The following PTPRT variants were observed in gnomAD, a reference collection of about 807,000 sequenced individuals.
PTPRT encodes protein tyrosine phosphatase receptor type T, also known as receptor-type tyrosine-protein phosphatase T.
In PTPRT, 56 loss-of-function variants were observed where a neutral mutation model predicts 176.8. The observed-to-expected ratio is 0.32, with a 90% CI of 0.26 to 0.40. The LOEUF is 0.40. Ranked by LOEUF, PTPRT falls within the 10% of genes least tolerant of loss-of-function variation. The pLI is 1.00. For synonymous variants in PTPRT, 783 were observed against 739.0 expected, an observed-to-expected ratio of 1.06 and a Z score of -0.96; for missense variants, 1,540 against 1,908.2, an observed-to-expected ratio of 0.81 and a Z score of 3.60.
At chr20:42,977,655 T>G (rs139805175) in intron 1 of PTPRT, among the ~76,000 whole-genome samples, 1 of 152,356 alleles carries the variant, frequency 6.6e-6, no homozygotes, top group African/African-American at 2.4e-5. Flanking sequence ...GCTAGTTTGC[T>G]AATTTTTAAA....
At chr20:43,183,346 G>A (rs1794849562) in intron 1 of PTPRT, among the ~76,000 whole-genome samples, 1 of 152,112 alleles carries the variant, frequency 6.6e-6, no homozygotes, top group South Asian at 2.1e-4. Flanking sequence ...ACAATTTACA[G>A]GTATTATCTC....
intron 12 of PTPRT, among the ~76,000 whole-genome samples, chr20:42,307,093 A>C (rs1320877805): frequency 6.6e-6 from 1 of 152,172 alleles, no homozygotes; most frequent in Non-Finnish European, 1.5e-5. Context: ...TCATCATGGA[A>C]AATTGTGGTA....
rs531083849 is a variant in PTPRT, at chr20:42,523,045, T to C, written c.1154-50483A>G. Among the ~76,000 whole-genome samples the C allele has an allele frequency of 1.4e-4, 22 of 152,254 alleles. No individual in the cohort carries two copies. The East Asian group carries it at 4.2e-3, about 29-fold the overall frequency. On this transcript the variant is annotated intron_variant, in intron 7 of 30. Transcript: ENST00000373187. Reference sequence around the variant, plus strand: ...TTCCTGGAAGGGAATTTTGACTGGTTCCTTCTGAGAGTCCACAGGGCCTAG... The same window carrying C: ...TTCCTGGAAGGGAATTTTGACTGGTCCCTTCTGAGAGTCCACAGGGCCTAG...
intron 18 of PTPRT, among the ~76,000 whole-genome samples, chr20:42,141,033 A>G (rs17221326): frequency 0.15 from 22,144 of 152,094 alleles, 2,068 homozygotes; most frequent in Non-Finnish European, 0.2. Flanking sequence ...GGCGCTAACT[A>G]CTCTGCACCG....
intron 9 of PTPRT, among the ~76,000 whole-genome samples, chr20:42,409,181 A>G (rs1485187726): frequency 1.3e-5 from 2 of 152,150 alleles, no homozygotes; most frequent in Admixed American, 6.5e-5. Flanking sequence ...AAATAATGTC[A>G]AATTGAAGGT....
At chr20:42,826,519 G>A (rs1011082763) in intron 2 of PTPRT, among the ~76,000 whole-genome samples, 40 of 152,314 alleles carry the variant, frequency 2.6e-4, no homozygotes, top group African/African-American at 7.9e-4. Context: ...AAAACAAACA[G>A]GGAGGGGAAA....
At chr20:42,602,820 A>G (rs1317714347) in intron 7 of PTPRT, among the ~76,000 whole-genome samples, 1 of 152,054 alleles carries the variant, frequency 6.6e-6, no homozygotes, top group Non-Finnish European at 1.5e-5. Flanking sequence ...GCTGTGCCAA[A>G]TTACTTATAT....
chr20:42,268,998 C>T (rs973016571), intron 13 of PTPRT, among the ~76,000 whole-genome samples: 1 of 152,166 alleles, frequency 6.6e-6, no homozygotes, highest in Non-Finnish European at 1.5e-5. Context: ...AGCCCACAGC[C>T]AGTGGCTGAC....
intron 7 of PTPRT, among the ~76,000 whole-genome samples, chr20:42,516,589 T>G (rs6102885): frequency 0.013 from 1,915 of 152,300 alleles, 40 homozygotes; most frequent in African/African-American, 0.044. Context: ...ATATGGCTAG[T>G]ATGAACATTC....
At chr20:42,489,111 T>A (rs755201708) in intron 7 of PTPRT, among the ~76,000 whole-genome samples, 24 of 152,014 alleles carry the variant, frequency 1.6e-4, no homozygotes, top group Admixed American at 3.3e-4. Flanking sequence ...TACCTTTTTT[T>A]AAATTATACT....
intron 7 of PTPRT, among the ~76,000 whole-genome samples, chr20:42,654,582 C>T (rs901827749): frequency 2.0e-5 from 3 of 152,184 alleles, no homozygotes; most frequent in East Asian, 1.9e-4. Flanking sequence ...GACTGCACTA[C>T]GTCCAACACA....
intron 16 of PTPRT, among the ~76,000 whole-genome samples, chr20:42,189,674 G>T (rs1253159926): frequency 6.6e-6 from 1 of 152,148 alleles, no homozygotes; most frequent in African/African-American, 2.4e-5. Context: ...GAAGGGTACC[G>T]TGGGACAAAA....
chr20:42,054,370 A>G, the PTPRT span, among the ~76,000 whole-genome samples: 1 of 152,224 alleles, frequency 6.6e-6, no homozygotes, highest in African/African-American at 2.4e-5. Flanking sequence ...CCAAGCTTCT[A>G]AGTAGATATT....
At chr20:42,846,306 T>G (rs2078370778) in intron 2 of PTPRT, among the ~76,000 whole-genome samples, 3 of 152,172 alleles carry the variant, frequency 2.0e-5, no homozygotes, top group Admixed American at 1.3e-4. Context: ...TTAAGACACC[T>G]AATGGAACAC....
At chr20:42,325,601 T>G (rs370662453) in intron 11 of PTPRT, among the ~76,000 whole-genome samples, 11 of 152,300 alleles carry the variant, frequency 7.2e-5, no homozygotes, top group African/African-American at 2.6e-4. Context: ...AGCTCTGAAC[T>G]AAGCTTCCAT....
At position 42,698,644 on chromosome 20, in the gene PTPRT, G is replaced by A. The variant is rs141162761; in HGVS notation, c.860-20485C>T. 7.2e-3 allele frequency among the ~76,000 whole-genome samples: 1,101 copies of A among 152,256 alleles called. 17 individuals are homozygous for A. Among genetic ancestry groups the A allele is most frequent in the African/African-American group, 0.025 (1,043 of 41,542 alleles). On this transcript the variant is annotated intron_variant, in intron 6 of 30. Transcript: ENST00000373187. ...AGAATCTATGCGGGAAGTTAAAATT[G>A]TCAAAAATTCCCTAGTTGTCTCCAA...
chr20:42,518,362 T>C (rs73273400), intron 7 of PTPRT, among the ~76,000 whole-genome samples: 14,486 of 152,076 alleles, frequency 0.095, 1,382 homozygotes, highest in African/African-American at 0.25. Flanking sequence ...GATAATTTTG[T>C]ATCTTTGTTT....
chr20:43,057,481 A>C (rs1987292672), intron 1 of PTPRT, among the ~76,000 whole-genome samples: 1 of 152,036 alleles, frequency 6.6e-6, no homozygotes, highest in African/African-American at 2.4e-5. Flanking sequence ...AGGAAAAGGG[A>C]ATGAAAGGGA....
intron 13 of PTPRT, among the ~76,000 whole-genome samples, chr20:42,272,041 G>T (rs543542845): frequency 6.6e-6 from 1 of 152,272 alleles, no homozygotes; most frequent in South Asian, 2.1e-4. Context: ...TAAGTCAGGG[G>T]TCAGCAAACT....
Sources: allele counts gnomAD v4.1 joint callset (sites outside exome capture counted in the v4.1 genomes callset), GRCh38; gene constraint gnomAD v4.1.1; transcripts MANE v1.5; gene names NCBI Gene and HGNC (gene_info 2026-07-23, HGNC 2026-07-21).